MAPK8: variants seen among roughly 807,000 people sequenced by gnomAD.
MAPK8 encodes the protein mitogen-activated protein kinase 8.
MAPK8 carries 13 observed loss-of-function variants against 52.9 expected under a neutral mutation model. The ratio of observed to expected loss-of-function variants is 0.25; its 90% CI spans 0.16 to 0.39. The LOEUF (loss-of-function observed/expected upper bound fraction) is 0.39. Ranked by LOEUF, MAPK8 falls within the 10% of genes least tolerant of loss-of-function variation. MAPK8 has a pLI of 1.00. For synonymous variants in MAPK8, 191 were observed against 169.8 expected (o/e 1.12, Z -0.97); for missense variants, 300 against 519.2 (o/e 0.58, Z 4.10).
At chr10:48,407,273 G>C (rs557754515) in intron 3 of MAPK8, among the ~76,000 whole-genome samples, 2 of 152,288 alleles carry the variant, frequency 1.3e-5, no homozygotes, top group South Asian at 2.1e-4. Context: ...CAGTTATCCA[G>C]CTGTTTCCAA....
At chr10:48,400,342 C>CG (rs561599949) in intron 1 of MAPK8, among the ~76,000 whole-genome samples, 199 of 152,260 alleles carry the variant, frequency 1.3e-3, no homozygotes, top group Non-Finnish European at 2.4e-3. Flanking sequence ...TATTTGTCCT[C>CG]GGTTTTACAG....
intron 1 of MAPK8, among the ~76,000 whole-genome samples, chr10:48,397,676 C>T (rs1454114894): frequency 2.6e-5 from 4 of 152,056 alleles, no homozygotes; most frequent in South Asian, 2.1e-4. Context: ...CTGCAACCTT[C>T]GTCTCCAGGG....
chr10:48,381,613 C>T (rs1489030118), intron 1 of MAPK8, among the ~76,000 whole-genome samples: 1 of 152,026 alleles, frequency 6.6e-6, no homozygotes, highest in East Asian at 1.9e-4. Context: ...ATAATTGATG[C>T]CTACTTTTTT....
At position 48,385,407 on chromosome 10, in the gene MAPK8, G is replaced by A. The variant is rs546382954; in HGVS notation, c.-49-16205G>A. ...GCTACCTAGCATGTCAGGCAGTCAT[G>A]TTATGTTTAAATTGCCTTCAAATGG... On this transcript the variant is annotated intron_variant, in intron 1 of 11. Coordinates refer to ENST00000374189, the MANE Select transcript of MAPK8 (RefSeq NM_001323329.2). 2.2e-4 allele frequency among the ~76,000 whole-genome samples: 33 copies of A among 152,292 alleles called. No homozygotes were observed. In the South Asian group the frequency reaches 6.2e-3, roughly 29 times the overall value.
chr10:48,425,382 A>T (rs751775659), intron 7 of MAPK8: 7 of 447,688 alleles, frequency 1.6e-5, no homozygotes, highest in Non-Finnish European at 2.8e-5. Context: ...AGAATGGCAA[A>T]AGAAAATGCC....
intron 11 of MAPK8, among the ~76,000 whole-genome samples, chr10:48,431,488 A>T (rs950874266): frequency 1.3e-5 from 2 of 152,230 alleles, no homozygotes; most frequent in Admixed American, 6.5e-5. Context: ...TGATACTGAC[A>T]TTCTGAAGAA....
At chr10:48,414,228 A>G (rs1487227253) in intron 5 of MAPK8, among the ~76,000 whole-genome samples, 1 of 152,058 alleles carries the variant, frequency 6.6e-6, no homozygotes, top group Non-Finnish European at 1.5e-5. Context: ...AGGTTCATTC[A>G]TGTATTTATT....
chr10:48,370,254 G>A (rs117871505), intron 1 of MAPK8, among the ~76,000 whole-genome samples: 7 of 152,254 alleles, frequency 4.6e-5, no homozygotes, highest in Admixed American at 3.9e-4. Flanking sequence ...AGGTAAAGTC[G>A]AAGACTTAGG....
intron 1 of MAPK8, among the ~76,000 whole-genome samples, chr10:48,345,832 G>A (rs957983388): frequency 6.6e-6 from 1 of 152,112 alleles, no homozygotes; most frequent in Non-Finnish European, 1.5e-5. Context: ...AAAAGCCCCA[G>A]GAAAAAAATG....
intron 10 of MAPK8, chr10:48,429,969 AGAT>A (rs1263757406): frequency 1.3e-5 from 2 of 152,242 alleles, no homozygotes; most frequent in African/African-American, 4.8e-5. Flanking sequence ...GACCCAAAGA[AGAT>A]GATAAATAGT....
chr10:48,398,427 C>T (rs1368006201), intron 1 of MAPK8, among the ~76,000 whole-genome samples: 2 of 152,270 alleles, frequency 1.3e-5, no homozygotes, highest in African/African-American at 4.8e-5. Flanking sequence ...TGTACACCCA[C>T]TAGTATAGAT....
At chr10:48,430,098 G>GT (rs1314708393) in intron 10 of MAPK8, 3 of 152,094 alleles carry the variant, frequency 2.0e-5, no homozygotes, top group Non-Finnish European at 2.9e-5. Flanking sequence ...GTTTGTTTTT[G>GT]TTTTTTTGTT....
At chr10:48,309,375 T>G (rs750399438) in intron 1 of MAPK8, among the ~76,000 whole-genome samples, 1 of 152,150 alleles carries the variant, frequency 6.6e-6, no homozygotes. Context: ...GTAAGAGATA[T>G]AGCATCGATT....
intron 1 of MAPK8, among the ~76,000 whole-genome samples, chr10:48,316,294 A>G (rs1381652604): frequency 1.3e-5 from 2 of 152,232 alleles, no homozygotes; most frequent in African/African-American, 4.8e-5. Context: ...TATTCAGTAC[A>G]GTAACCTGCT....
rs567382570 is a variant in MAPK8 at position 48,415,411 on chromosome 10, T to C, written c.451-4744T>C. ...CCAAATGGTAGAAGATAGAAAACAATGGAAACAACAAGAACCACAAAAAAC... is the reference window on the plus strand; with the variant it reads ...CCAAATGGTAGAAGATAGAAAACAACGGAAACAACAAGAACCACAAAAAAC... On this transcript the variant is annotated intron_variant, in intron 5 of 11. Coordinates refer to ENST00000374189, the MANE Select transcript of MAPK8 (RefSeq NM_001323329.2). Among the ~76,000 whole-genome samples the C allele has an allele frequency of 2.4e-4, 36 of 152,160 alleles. No individual in the cohort carries two copies. The South Asian group carries it at 6.6e-3, about 28-fold the overall frequency.
chr10:48,422,481 A>G (rs1024073439), intron 6 of MAPK8, among the ~76,000 whole-genome samples: 3 of 152,206 alleles, frequency 2.0e-5, no homozygotes, highest in African/African-American at 7.2e-5. Flanking sequence ...AATCAGACTT[A>G]TGTTCCTAGT....
intron 1 of MAPK8, among the ~76,000 whole-genome samples, chr10:48,312,929 CTG>C (rs1200525199): frequency 8.5e-5 from 13 of 152,186 alleles, no homozygotes; most frequent in African/African-American, 2.4e-4. Context: ...TGCCTGGAAA[CTG>C]TTAAAATTCC....
intron 5 of MAPK8, among the ~76,000 whole-genome samples, chr10:48,414,388 G>A (rs138863359): frequency 6.7e-6 from 1 of 149,748 alleles, no homozygotes; most frequent in East Asian, 2.0e-4. Flanking sequence ...ATTTTTTTGT[G>A]TGTTGGTATG....
chr10:48,348,981 T>C (rs891693585), intron 1 of MAPK8, among the ~76,000 whole-genome samples: 5 of 149,176 alleles, frequency 3.4e-5, no homozygotes, highest in African/African-American at 9.8e-5. Context: ...GTTGCGATTC[T>C]AGTCTCTGAT....
Sources: allele counts gnomAD v4.1 joint callset (sites outside exome capture counted in the v4.1 genomes callset), GRCh38; gene constraint gnomAD v4.1.1; transcripts MANE v1.5; gene names NCBI Gene and HGNC (gene_info 2026-07-23, HGNC 2026-07-21).